Variants in ARHGEF10L observed in about 807,000 individuals in gnomAD.
ARHGEF10L encodes the protein rho guanine nucleotide exchange factor 10-like protein.
A neutral mutation model predicts 141.2 loss-of-function variants in ARHGEF10L; 69 were observed. That is an observed-to-expected ratio of 0.49 (90% CI 0.40 to 0.60). The LOEUF is 0.60. Ranked by LOEUF, ARHGEF10L falls within the 20% of genes least tolerant of loss-of-function variation. The pLI, the probability that ARHGEF10L is intolerant of heterozygous loss-of-function variation, is 0.00. For missense variants in ARHGEF10L, 1,482 were observed against 1,734.3 expected (o/e 0.85, Z 2.58); for synonymous variants, 711 against 718.5 (o/e 0.99, Z 0.17).
chr1:17,657,512 G>A (rs1365059222), intron 25 of ARHGEF10L, among the ~76,000 whole-genome samples: 5 of 152,178 alleles, frequency 3.3e-5, no homozygotes, highest in African/African-American at 4.8e-5. Context: ...TGAAGGGCCC[G>A]CAGCGTCTCT....
rs940817510 is a variant in ARHGEF10L, at chr1:17,625,122, C to T, written c.1317+619C>T. On this transcript the variant is annotated intron_variant, in intron 13 of 28. Coordinates refer to ENST00000361221, the MANE Select transcript of ARHGEF10L (RefSeq NM_018125.4). The surrounding 1 kb of genome is among the most constrained non-coding windows in gnomAD (Gnocchi z 4.5). ...AGATGCCACGGCCTCAGTGGAGGAA[C>T]CCACTGTCCCCATCAAAGAGAACAG... 2.6e-5 allele frequency among the ~76,000 whole-genome samples: 4 copies of T among 152,214 alleles called. No individual in the cohort carries two copies. The highest frequency in any genetic ancestry group is 9.6e-5 in the African/African-American group (4 of 41,458).
intron 3 of ARHGEF10L, 102 bp downstream of exon 3, chr1:17,587,747 TC>T: frequency 1.5e-6 from 2 of 1,306,732 alleles, no homozygotes; most frequent in Non-Finnish European, 1.0e-6. Context: ...CCCTCCGCTG[TC>T]CCCAGAAAGC....
chr1:17,649,342 T>C (rs1337186065), intron 22 of ARHGEF10L, among the ~76,000 whole-genome samples: 1 of 152,180 alleles, frequency 6.6e-6, no homozygotes, highest in Non-Finnish European at 1.5e-5. Flanking sequence ...TTATACCCTG[T>C]CCTAGCTCGC....
At chr1:17,525,177 T>G in the ARHGEF10L span, among the ~76,000 whole-genome samples, 4 of 152,084 alleles carry the variant, frequency 2.6e-5, no homozygotes, top group African/African-American at 9.7e-5. Context: ...TACCCCAGCA[T>G]GGGGAGGGAG....
At chr1:17,559,730 G>A (rs549616821) in intron 1 of ARHGEF10L, among the ~76,000 whole-genome samples, 19 of 152,272 alleles carry the variant, frequency 1.2e-4, no homozygotes, top group East Asian at 5.8e-4. Flanking sequence ...GAAAGGGACC[G>A]TCATGTGACT....
intron 1 of ARHGEF10L, among the ~76,000 whole-genome samples, chr1:17,551,669 G>A (rs1159916672): frequency 6.6e-6 from 1 of 152,142 alleles, no homozygotes; most frequent in African/African-American, 2.4e-5. Context: ...CTGTTAAAAG[G>A]CTCTCGATTC....
In ARHGEF10L at chr1:17,546,867, C is replaced by A. The variant is rs545031325; in HGVS notation, c.-44+6917C>A. On this transcript the variant is annotated intron_variant, in intron 1 of 28. Transcript: ENST00000361221. ...GCTCATAATTGCAGAGTGGCAGGCACCTTGGTAGTGCATGGCTCGTGGGAG... is the reference window on the plus strand; with the variant it reads ...GCTCATAATTGCAGAGTGGCAGGCAACTTGGTAGTGCATGGCTCGTGGGAG... Among the ~76,000 whole-genome samples the A allele has an allele frequency of 9.9e-5, 15 of 152,260 alleles. No individual in the cohort carries two copies. In the East Asian group the frequency reaches 2.1e-3, roughly 22 times the overall value.
chr1:17,618,332 G>A (rs1251027695), intron 9 of ARHGEF10L: 6 of 1,528,940 alleles, frequency 3.9e-6, no homozygotes, highest in East Asian at 5.2e-5. Context: ...AGCCGTGGCA[G>A]GGCTCGAATC....
intron 1 of ARHGEF10L, among the ~76,000 whole-genome samples, chr1:17,568,865 ATG>A (rs2077873838): frequency 1.3e-5 from 2 of 152,080 alleles, no homozygotes; most frequent in Non-Finnish European, 2.9e-5. Flanking sequence ...AATCCTTTTA[ATG>A]ATTGAAGCCA....
At chr1:17,584,528 A>G (rs775777134) in intron 2 of ARHGEF10L, among the ~76,000 whole-genome samples, 39 of 152,202 alleles carry the variant, frequency 2.6e-4, no homozygotes, top group Non-Finnish European at 4.9e-4. Flanking sequence ...CAGCAACACA[A>G]ATAGCATATG....
chr1:17,557,013 C>T (rs1306504252), intron 1 of ARHGEF10L, among the ~76,000 whole-genome samples: 1 of 139,244 alleles, frequency 7.2e-6, no homozygotes, highest in Non-Finnish European at 1.5e-5. Flanking sequence ...GTTCGGACAA[C>T]ATAGCAAGAC....
chr1:17,520,127 C>G, the ARHGEF10L span, among the ~76,000 whole-genome samples: 1 of 152,228 alleles, frequency 6.6e-6, no homozygotes, highest in Admixed American at 6.5e-5. Context: ...CCCTCCCTTC[C>G]TCACCCAGGC....
At chr1:17,605,509 G>A (rs531637560) in intron 6 of ARHGEF10L, among the ~76,000 whole-genome samples, 1 of 152,354 alleles carries the variant, frequency 6.6e-6, no homozygotes, top group African/African-American at 2.4e-5. Context: ...AGGCACAAGA[G>A]TTCTGTGACT....
At chr1:17,575,185 AAC>A (rs1372011515) in intron 1 of ARHGEF10L, among the ~76,000 whole-genome samples, 1 of 152,196 alleles carries the variant, frequency 6.6e-6, no homozygotes, top group Non-Finnish European at 1.5e-5. Flanking sequence ...TGGGGAGGGC[AAC>A]AGTTATAATG....
At chr1:17,513,821 T>A in the ARHGEF10L span, among the ~76,000 whole-genome samples, 1 of 152,196 alleles carries the variant, frequency 6.6e-6, no homozygotes, top group African/African-American at 2.4e-5. Context: ...TTTTTCTTTT[T>A]TTGAGACGGA....
Position 17,668,332 on chromosome 1 carries a change from G to A in ARHGEF10L, c.3009+3737G>A, listed in dbSNP as rs147932277. 4.7e-3 allele frequency among the ~76,000 whole-genome samples: 711 copies of A among 152,342 alleles called. 2 individuals are homozygous for A. The highest frequency in any genetic ancestry group is 8.7e-3 in the Non-Finnish European group (591 of 68,040). Reference sequence around the variant, plus strand: ...ACTGGAAGACAGCCTTCCTCCTGCCGACAGCTGTCCAGGAGCATGGGACGG... The same window carrying A: ...ACTGGAAGACAGCCTTCCTCCTGCCAACAGCTGTCCAGGAGCATGGGACGG... On this transcript the variant is annotated intron_variant, in intron 26 of 28. Coordinates refer to ENST00000361221, the MANE Select transcript of ARHGEF10L (RefSeq NM_018125.4).
chr1:17,579,263 C>T (rs370763741), intron 1 of ARHGEF10L, among the ~76,000 whole-genome samples: 74 of 151,990 alleles, frequency 4.9e-4, no homozygotes, highest in Middle Eastern at 3.4e-3. Context: ...TGAAGTGATC[C>T]GCCCACCTCA....
intron 2 of ARHGEF10L, 82 bp downstream of exon 2, chr1:17,580,714 A>G (rs1455140407): frequency 6.4e-7 from 1 of 1,556,314 alleles, no homozygotes; most frequent in Non-Finnish European, 8.8e-7. Flanking sequence ...CTTGCTCTGG[A>G]GCAGCATGGC....
chr1:17,579,489 C>A (rs2078384542), intron 1 of ARHGEF10L, among the ~76,000 whole-genome samples: 1 of 152,192 alleles, frequency 6.6e-6, no homozygotes, highest in African/African-American at 2.4e-5. Context: ...TTCTTGGTCT[C>A]ATTTTCTCAT....
Sources: gnomAD v4.1 joint callset for allele counts (sites outside exome capture counted in the v4.1 genomes callset) on GRCh38, gnomAD v4.1.1 for gene constraint, Gnocchi (gnomAD v3.1) non-coding constraint, MANE v1.5 for transcripts, NCBI Gene and HGNC (gene_info 2026-07-23, HGNC 2026-07-21) for gene names.